The following SMARCC1 variants were observed in gnomAD, a reference collection of about 807,000 sequenced individuals.
SMARCC1 encodes the protein SWI/SNF complex subunit SMARCC1.
In SMARCC1, 43 loss-of-function variants were observed where a neutral mutation model predicts 147.4. The observed-to-expected ratio is 0.29, with a 90% CI of 0.23 to 0.38. The LOEUF (loss-of-function observed/expected upper bound fraction) is 0.38, where lower values mean the gene tolerates loss of function less well. Among genes scored for constraint, SMARCC1 ranks in the 10% least tolerant of loss-of-function variants. The pLI is 1.00. For missense variants in SMARCC1, 1,119 were observed against 1,381.1 expected (o/e 0.81, Z 3.01); for synonymous variants, 495 against 484.4 (o/e 1.02, Z -0.29).
At chr3:47,778,212 A>AC (rs58487736) in intron 1 of SMARCC1, among the ~76,000 whole-genome samples, 3,846 of 120,876 alleles carry the variant, frequency 0.032, 322 homozygotes, top group Non-Finnish European at 0.037. Flanking sequence ...ACAAAAAACA[A>AC]AAAACAAAAA....
intron 21 of SMARCC1, among the ~76,000 whole-genome samples, chr3:47,648,339 T>A (rs1349591352): frequency 2.0e-5 from 3 of 152,142 alleles, no homozygotes; most frequent in African/African-American, 7.2e-5. Context: ...CTACTTTTTT[T>A]TGTGAAGCAT....
chr3:47,637,100 C>T (rs2032981286), intron 22 of SMARCC1, among the ~76,000 whole-genome samples: 1 of 152,040 alleles, frequency 6.6e-6, no homozygotes, highest in African/African-American at 2.4e-5. Flanking sequence ...AGGGTGGTTT[C>T]AAAGTCCTAG....
chr3:47,677,187 C>T (rs1303821810), intron 16 of SMARCC1, among the ~76,000 whole-genome samples: 1 of 152,198 alleles, frequency 6.6e-6, no homozygotes, highest in Non-Finnish European at 1.5e-5. Context: ...ACCTCCTCCG[C>T]ATCCTTGGTT....
intron 20 of SMARCC1, among the ~76,000 whole-genome samples, chr3:47,662,051 G>A (rs1005024681): frequency 2.7e-5 from 4 of 150,610 alleles, no homozygotes; most frequent in African/African-American, 4.9e-5. Flanking sequence ...ATGGAGTGCA[G>A]TGGCACGATC....
At chr3:47,780,168 G>GTTTTTTTTTTTTTTTTTTTTTTTTTTT (rs10662354) in intron 1 of SMARCC1, among the ~76,000 whole-genome samples, 2 of 61,896 alleles carry the variant, frequency 3.2e-5, no homozygotes, top group African/African-American at 1.3e-4. Context: ...GTTTTTTTTT[G>GTTTTTTTTTTTTTTTTTTTTTTTTTTT]TTTTTTTTTT....
intron 27 of SMARCC1, among the ~76,000 whole-genome samples, chr3:47,589,938 G>T (rs886834617): frequency 6.6e-6 from 1 of 152,194 alleles, no homozygotes; most frequent in African/African-American, 2.4e-5. Context: ...ATGTGGCTGG[G>T]GTACCTGACC....
chr3:47,715,268 T>C (rs1381537190), intron 7 of SMARCC1, among the ~76,000 whole-genome samples: 1 of 152,178 alleles, frequency 6.6e-6, no homozygotes, highest in Non-Finnish European at 1.5e-5. Flanking sequence ...CACATCTCCT[T>C]GTGTAGAACA....
intron 14 of SMARCC1, among the ~76,000 whole-genome samples, chr3:47,684,774 A>G (rs1311439458): frequency 1.3e-5 from 2 of 152,084 alleles, no homozygotes; most frequent in Admixed American, 6.6e-5. Context: ...TAGTCCCTTC[A>G]TATCTGTGGA....
intron 26 of SMARCC1, among the ~76,000 whole-genome samples, chr3:47,600,906 G>A (rs2032370911): frequency 6.6e-6 from 1 of 150,922 alleles, no homozygotes; most frequent in South Asian, 2.1e-4. Flanking sequence ...CATAGGAACA[G>A]GCCTTAGCAA....
intron 26 of SMARCC1, among the ~76,000 whole-genome samples, chr3:47,605,852 C>T (rs2032463069): frequency 6.6e-6 from 1 of 152,120 alleles, no homozygotes; most frequent in Admixed American, 6.6e-5. Context: ...ATTCAACCAG[C>T]CCAACTAGTC....
intron 18 of SMARCC1, among the ~76,000 whole-genome samples, chr3:47,674,928 T>G (rs957611907): frequency 3.3e-5 from 5 of 152,192 alleles, no homozygotes; most frequent in African/African-American, 1.2e-4. Flanking sequence ...AGAGACACAG[T>G]CTTGCTATGT....
chr3:47,729,240 T>TA (rs1042701401), intron 5 of SMARCC1, 146 bp from the exon 6 acceptor site: 16 of 599,770 alleles, frequency 2.7e-5, no homozygotes, highest in Admixed American at 9.3e-5. Flanking sequence ...TTTAGTCAAA[T>TA]AAAAAAAAGT....
chr3:47,684,564 C>T (rs1309610837), intron 14 of SMARCC1, among the ~76,000 whole-genome samples: 1 of 151,650 alleles, frequency 6.6e-6, no homozygotes, highest in East Asian at 2.0e-4. Context: ...CCTCAACCTC[C>T]CAAGTAGATG....
intron 18 of SMARCC1, among the ~76,000 whole-genome samples, chr3:47,673,411 A>AGGG (rs2033530006): frequency 3.4e-5 from 3 of 88,596 alleles, no homozygotes; most frequent in African/African-American, 7.1e-5. Context: ...GGGGGGGGGC[A>AGGG]GGCCAGTGGC....
intron 13 of SMARCC1, among the ~76,000 whole-genome samples, chr3:47,687,564 G>T (rs952981032): frequency 6.6e-6 from 1 of 152,122 alleles, no homozygotes; most frequent in Admixed American, 6.6e-5. Context: ...CTTATCTTTG[G>T]CATTAAAACG....
rs905615606 is a variant in SMARCC1 at position 47,651,912 on chromosome 3, A to T, written c.2320+9382T>A. 7.9e-5 allele frequency among the ~76,000 whole-genome samples: 12 copies of T among 152,324 alleles called. No individual in the cohort carries two copies. The South Asian group carries it at 1.0e-3, about 13-fold the overall frequency. On this transcript the variant is annotated intron_variant, in intron 21 of 27. Coordinates refer to ENST00000254480, the MANE Select transcript of SMARCC1 (RefSeq NM_003074.4). ...ACACTGAGTTTGATTTTTTGTGATT[A>T]TGTCCAAGAAAGCTTCTCTGGCACA... is the stretch of plus-strand genomic sequence containing the variant.
chr3:47,678,344 C>A, intron 15 of SMARCC1, 33 bp from the exon 16 acceptor site: 1 of 1,048,824 alleles, frequency 9.5e-7, no homozygotes, highest in Non-Finnish European at 1.4e-6. Flanking sequence ...ATAAGGTGGA[C>A]ATGTATCCTC....
intron 2 of SMARCC1, among the ~76,000 whole-genome samples, chr3:47,765,276 A>G (rs1253781872): frequency 6.6e-6 from 1 of 152,068 alleles, no homozygotes; most frequent in African/African-American, 2.4e-5. Context: ...ACAAAAAAAA[A>G]AACGGCAAGG....
intron 16 of SMARCC1, among the ~76,000 whole-genome samples, 161 bp from the exon 17 acceptor site, chr3:47,676,943 A>C (rs2033582058): frequency 6.6e-6 from 1 of 152,210 alleles, no homozygotes; most frequent in African/African-American, 2.4e-5. Context: ...TTATGTGACG[A>C]ACAATTTCTA....
Sources: allele counts gnomAD v4.1 joint callset (sites outside exome capture counted in the v4.1 genomes callset), GRCh38; gene constraint gnomAD v4.1.1; transcripts MANE v1.5; gene names NCBI Gene and HGNC (gene_info 2026-07-23, HGNC 2026-07-21).